Variants in RCBTB2 observed in about 807,000 individuals in gnomAD.
RCBTB2 encodes the protein RCC1 and BTB domain containing protein 2, also known as RCC1 and BTB domain-containing protein 2.
In RCBTB2, 55 loss-of-function variants were observed where a neutral mutation model predicts 65.4. The observed-to-expected ratio is 0.84, with a 90% confidence interval of 0.68 to 1.05. The LOEUF (loss-of-function observed/expected upper bound fraction) is 1.05. RCBTB2 is among the 50% of genes least tolerant of loss of function. The pLI, the probability that RCBTB2 is intolerant of heterozygous loss-of-function variation, is 0.00. For synonymous variants in RCBTB2, 220 were observed against 255.2 expected (o/e 0.86, Z 1.31); for missense variants, 599 against 680.1 (o/e 0.88, Z 1.33).
At position 48,525,985 on chromosome 13, in the gene RCBTB2, A is replaced by G. The variant is rs553737556; in HGVS notation, c.-218-1228T>C. On this transcript the variant is annotated intron_variant, in intron 1 of 14. Coordinates refer to ENST00000344532, the MANE Select transcript of RCBTB2 (RefSeq NM_001268.4). ...AGTTTTGGTGGAGGGAATACCAAAG[A>G]TAAAAGGTCCCATGTAACTCTGTCA... 9.5e-4 allele frequency among the ~76,000 whole-genome samples: 145 copies of G among 152,310 alleles called. 1 individual carries two copies. The highest frequency in any genetic ancestry group is 3.3e-3 in the African/African-American group (138 of 41,572).
Position 48,512,903 on chromosome 13 carries a change from T to A in RCBTB2, c.350-8A>T, listed in dbSNP as rs761979718. 1 of 1,598,926 alleles carries A rather than the reference T, an allele frequency of 6.3e-7. No homozygotes were observed. On this transcript the variant is annotated splice_polypyrimidine_tract_variant and splice_region_variant and intron_variant, in intron 6 of 14. Transcript: ENST00000344532. The stretch of plus-strand genomic sequence containing the variant: ...AGGTAAAGACTTCTCCTTCTGAAAA[T>A]AAAAAGAAAGACAATCAGTTTTTTA...
intron 13 of RCBTB2, among the ~76,000 whole-genome samples, chr13:48,497,290 A>C (rs558214575): frequency 6.6e-6 from 1 of 152,142 alleles, no homozygotes; most frequent in South Asian, 2.1e-4. Flanking sequence ...TTACTTCCCA[A>C]AACCCCAGCC....
rs772212720 is a variant in RCBTB2, at chr13:48,499,742, C to T, written c.1263G>A (p.Ser421=). ...TATCATCCTCGTTATCTTCCAATGA[C>T]GAACGAAAATGCTCACATCTGAAGG... ...LLKIRCEHFR[S]SLEDNEDDIV... is the part of the protein sequence containing the mutation. The change falls in exon 13 of 15, where the codon TCG becomes TCA. Residue 421 remains serine, a synonymous_variant. Transcript: ENST00000344532. The T allele has an allele frequency of 5.2e-5, 84 of 1,614,062 alleles. No homozygotes were observed. Among genetic ancestry groups the T allele is most frequent in the Admixed American group, 1.7e-4 (10 of 60,002 alleles).
At chr13:48,518,898 T>G (rs1951257453) in intron 4 of RCBTB2, among the ~76,000 whole-genome samples, 2 of 152,316 alleles carry the variant, frequency 1.3e-5, no homozygotes, top group Non-Finnish European at 1.5e-5. Context: ...TTAATTTTTT[T>G]CCTATTTTAA....
At chr13:48,498,591 G>A (rs973615732) in intron 13 of RCBTB2, among the ~76,000 whole-genome samples, 8 of 152,132 alleles carry the variant, frequency 5.3e-5, no homozygotes, top group Admixed American at 1.3e-4. Context: ...TTAGCCAGGC[G>A]TGGTGGTGCA....
chr13:48,507,334 T>G (rs1950554629), intron 10 of RCBTB2, among the ~76,000 whole-genome samples: 1 of 152,244 alleles, frequency 6.6e-6, no homozygotes, highest in Non-Finnish European at 1.5e-5. Context: ...GTTTTTAAAC[T>G]GGACTCACAC....
chr13:48,506,686 A>G (rs1950522318), intron 10 of RCBTB2, among the ~76,000 whole-genome samples: 1 of 152,090 alleles, frequency 6.6e-6, no homozygotes, highest in Non-Finnish European at 1.5e-5. Context: ...CTGTGTTTGA[A>G]CCACCTCAAT....
chr13:48,514,493 G>A (rs1186203537), intron 6 of RCBTB2, among the ~76,000 whole-genome samples: 1 of 152,192 alleles, frequency 6.6e-6, no homozygotes, highest in African/African-American at 2.4e-5. Flanking sequence ...TGTATATCTG[G>A]TTATCTCTGA....
intron 1 of RCBTB2, among the ~76,000 whole-genome samples, 176 bp from the exon 2 acceptor site, chr13:48,524,933 T>C (rs1951626764): frequency 6.6e-6 from 1 of 152,156 alleles, no homozygotes. Flanking sequence ...ATAAAAATAC[T>C]AAAGTTATAA....
chr13:48,515,867 C>A, intron 4 of RCBTB2, 126 bp from the exon 5 acceptor site: 1 of 928,430 alleles, frequency 1.1e-6, no homozygotes, highest in Non-Finnish European at 1.6e-6. Flanking sequence ...TTTTGAGAGG[C>A]CTCTCGCAGC....
chr13:48,510,939 T>C (rs757583679), intron 9 of RCBTB2, among the ~76,000 whole-genome samples, 168 bp from the exon 10 acceptor site: 12 of 152,212 alleles, frequency 7.9e-5, no homozygotes, highest in Non-Finnish European at 1.8e-4. Flanking sequence ...TGGGCCAGAA[T>C]TGCAGTAAGA....
intron 10 of RCBTB2, among the ~76,000 whole-genome samples, chr13:48,509,537 A>C (rs1444178287): frequency 6.6e-6 from 1 of 152,168 alleles, no homozygotes; most frequent in Non-Finnish European, 1.5e-5. Flanking sequence ...AGCTGCAGGC[A>C]TCTACCTGCA....
At chr13:48,534,302 G>T (rs765939681), upstream of RCBTB2, among the ~76,000 whole-genome samples, 2 of 152,196 alleles carry the variant, frequency 1.3e-5, no homozygotes, top group Non-Finnish European at 2.9e-5. Context: ...CTCAGAAAAA[G>T]CTCACTTCAG....
chr13:48,496,078 A>G, intron 14 of RCBTB2, 113 bp downstream of exon 14: 3 of 1,048,432 alleles, frequency 2.9e-6, no homozygotes, highest in Non-Finnish European at 3.7e-6. Flanking sequence ...TTCATTTTTT[A>G]AAAAATATTA....
At chr13:48,495,543 TAA>T (rs1260442514) in intron 14 of RCBTB2, among the ~76,000 whole-genome samples, 2 of 152,242 alleles carry the variant, frequency 1.3e-5, no homozygotes, top group Non-Finnish European at 2.9e-5. Context: ...CCTTTGAAGC[TAA>T]GTCTTTGTGC....
At chr13:48,493,309 A>ACTCTCTCTCTCT (rs1429120157) in intron 14 of RCBTB2, among the ~76,000 whole-genome samples, 29 of 47,904 alleles carry the variant, frequency 6.1e-4, no homozygotes, top group South Asian at 3.5e-3. Flanking sequence ...ACACACACAC[A>ACTCTCTCTCTCT]CACACACTCT....
intron 10 of RCBTB2, among the ~76,000 whole-genome samples, chr13:48,505,630 A>G (rs932870703): frequency 1.1e-4 from 17 of 152,246 alleles, no homozygotes; most frequent in African/African-American, 4.1e-4. Context: ...AGTTACAAGC[A>G]AATGTGAGGA....
chr13:48,515,821 C>T (rs562477655), intron 4 of RCBTB2, 80 bp from the exon 5 acceptor site: 14 of 1,390,594 alleles, frequency 1.0e-5, no homozygotes, highest in African/African-American at 8.7e-5. Flanking sequence ...TAGAAGAGGG[C>T]GAACACTGGT....
At position 48,490,136 on chromosome 13, in the gene RCBTB2, C is replaced by T. The variant is rs749098998; in HGVS notation, c.1631G>A (p.Ser544Asn). The change falls in exon 15 of 15, where the codon AGC (serine) becomes AAC (asparagine). Residue 544 changes from serine to asparagine, a missense_variant. By Grantham distance (46) the Ser-to-Asn change is conservative. Transcript: ENST00000344532. ...TCAATTTTTAAAGGCTCCAACTCTG[C>T]TTGCTTTGCTGATAAAGTTCTTCAG... ...DLLKNFISKA[S>N]RVGAFKN 1.9e-6 allele frequency: 3 copies of T among 1,614,090 alleles called. No homozygotes were observed. The highest frequency in any genetic ancestry group is 8.5e-7 in the Non-Finnish European group (1 of 1,179,978).
Sources: allele counts gnomAD v4.1 joint callset (sites outside exome capture counted in the v4.1 genomes callset), GRCh38; gene constraint gnomAD v4.1.1; transcripts MANE v1.5; gene names NCBI Gene and HGNC (gene_info 2026-07-23, HGNC 2026-07-21).